The following TTLL3 variants were observed in gnomAD, a reference collection of about 807,000 sequenced individuals.
TTLL3 encodes the protein tubulin tyrosine ligase like 3.
Under a neutral mutation model 75.2 loss-of-function variants are expected in TTLL3, and 63 were observed. The observed-to-expected ratio is 0.84, with a 90% confidence interval of 0.68 to 1.03. TTLL3 has a LOEUF of 1.03. TTLL3 is among the 50% of genes least tolerant of loss of function. The pLI is 0.00. For missense variants in TTLL3, 997 were observed against 1,069.9 expected, an observed-to-expected ratio of 0.93 and a Z score of 0.95; for synonymous variants, 393 against 418.5, an observed-to-expected ratio of 0.94 and a Z score of 0.74.
chr3:9,813,988 A>C (rs1277362101), intron 4 of TTLL3, among the ~76,000 whole-genome samples: 1 of 152,056 alleles, frequency 6.6e-6, no homozygotes, highest in Non-Finnish European at 1.5e-5. Context: ...TGAAGGCAGG[A>C]AGGAAGGTCT....
intron 7 of TTLL3, chr3:9,819,156 C>A: frequency 1.8e-6 from 1 of 548,814 alleles, no homozygotes; most frequent in Non-Finnish European, 3.2e-6. Context: ...CCCTTCCACT[C>A]ATCCTTCCAT....
chr3:9,819,099 C>T, intron 7 of TTLL3, 179 bp downstream of exon 7: 1 of 784,522 alleles, frequency 1.3e-6, no homozygotes, highest in South Asian at 1.7e-5. Context: ...ATCCACTCAT[C>T]CACCCACGTA....
intron 11 of TTLL3, among the ~76,000 whole-genome samples, chr3:9,831,425 G>A (rs990068449): frequency 2.0e-5 from 3 of 152,126 alleles, no homozygotes; most frequent in South Asian, 2.1e-4. Context: ...AGGTGATGCC[G>A]CGTACCTCAT....
chr3:9,833,738 G>T (rs2081804959), intron 12 of TTLL3, among the ~76,000 whole-genome samples: 1 of 152,130 alleles, frequency 6.6e-6, no homozygotes, highest in South Asian at 2.1e-4. Flanking sequence ...CAGGCTACTC[G>T]CGAGGCTAAT....
At chr3:9,811,829 G>A (rs576595072) in intron 2 of TTLL3, among the ~76,000 whole-genome samples, 3 of 152,180 alleles carry the variant, frequency 2.0e-5, no homozygotes, top group Non-Finnish European at 4.4e-5. Flanking sequence ...CTTTGCACAT[G>A]CATTCCCCTC....
rs1445209012 is a variant in TTLL3 at position 9,826,984 on chromosome 3, T to A, written c.1004-13T>A. The A allele has an allele frequency of 2.5e-6, 4 of 1,613,886 alleles. No homozygotes were observed. The Admixed American group carries it at 5.0e-5, about 20-fold the overall frequency. On this transcript the variant is annotated splice_polypyrimidine_tract_variant and intron_variant, in intron 9 of 13. Coordinates refer to ENST00000685419, the MANE Select transcript of TTLL3 (RefSeq NM_001387446.1). ...CTGACCTTCCAATCCCTGACTGCCC[T>A]CTTCCCCCGTAGGCATCATGTGCAT...
At chr3:9,815,082 A>T (rs997910104) in intron 4 of TTLL3, among the ~76,000 whole-genome samples, 1 of 151,934 alleles carries the variant, frequency 6.6e-6, no homozygotes. Flanking sequence ...TACTAAAAAT[A>T]CAAAAAAATT....
Position 9,835,126 on chromosome 3 carries a change from G to T in TTLL3, c.2085G>T (p.Gln695His). ...CTCTCCTGTGCCTCCGAGGCCCCCA[G>T]CTGGAAGTGCCTTGTTGCCTCTGCC... Reference protein sequence around the residue: ...APALLCLRGPQLEVPCCLCPL... With the variant: ...APALLCLRGPHLEVPCCLCPL... Residue 695 changes from glutamine (Q) to histidine (H), a missense_variant, in exon 14 of 14, where the codon CAG becomes CAT. Physicochemically the swap from Gln to His is conservative, Grantham distance 24. Transcript: ENST00000685419. 1 of 1,613,096 alleles carries T rather than the reference G, an allele frequency of 6.2e-7. No individual in the cohort carries two copies. The highest frequency in any genetic ancestry group is 8.5e-7 in the Non-Finnish European group (1 of 1,179,318).
chr3:9,811,512 A>G (rs558188118), intron 2 of TTLL3, among the ~76,000 whole-genome samples: 24 of 152,250 alleles, frequency 1.6e-4, no homozygotes, highest in African/African-American at 5.5e-4. Context: ...TGTTGTAACC[A>G]CCTTCATTTT....
chr3:9,814,475 G>C (rs567904106), intron 4 of TTLL3, among the ~76,000 whole-genome samples: 9 of 152,140 alleles, frequency 5.9e-5, no homozygotes, highest in African/African-American at 2.2e-4. Context: ...GTGAAACCCT[G>C]TCTCTACTAA....
At position 9,829,360 on chromosome 3, in the gene TTLL3, T is replaced by A. The variant is rs1487916947; in HGVS notation, c.1648T>A (p.Cys550Ser). 2.5e-6 allele frequency: 4 copies of A among 1,607,774 alleles called. No individual in the cohort carries two copies. The highest frequency in any genetic ancestry group is 3.4e-6 in the Non-Finnish European group (4 of 1,176,100). ...VVIDRMLDRN[C>S]DTGAFELIYK... ...CATTGACCGGATGCTGGACCGCAAC[T>A]GTGACACAGGAGCCTTTGAGCTCAT... The change falls in exon 11 of 14, where the codon TGT (cysteine) becomes AGT (serine). Residue 550 changes from cysteine (C) to serine (S), a missense_variant. Coordinates refer to ENST00000685419, the MANE Select transcript of TTLL3 (RefSeq NM_001387446.1).
intron 8 of TTLL3, 190 bp from the exon 9 acceptor site, chr3:9,825,610 C>G (rs1212347232): frequency 2.1e-6 from 2 of 935,926 alleles, no homozygotes; most frequent in Non-Finnish European, 3.3e-6. Flanking sequence ...GTAGTCTGGG[C>G]AGGTTAGGAT....
chr3:9,810,469 G>T lies in TTLL3; in HGVS notation c.-42+75G>T, dbSNP rs920193189. On this transcript the variant is annotated intron_variant, in intron 1 of 13. Coordinates refer to ENST00000685419, the MANE Select transcript of TTLL3 (RefSeq NM_001387446.1). The surrounding 1 kb of genome is among the most constrained non-coding windows in gnomAD (Gnocchi z 4.4). Reference sequence around the variant, plus strand: ...GACAAGACGCTGGGGTGGAGGGACTGGGGGTCGGGAGAAGAGCGGCTGAGG... The same window carrying T: ...GACAAGACGCTGGGGTGGAGGGACTTGGGGTCGGGAGAAGAGCGGCTGAGG... 2.1e-6 allele frequency: 3 copies of T among 1,442,152 alleles called. No homozygotes were observed. In the East Asian group the frequency reaches 7.7e-5, roughly 37 times the overall value. The allele number at this position is 1,442,152 out of a possible 1,614,324, so 89.3% of individuals were successfully genotyped here. A position where few individuals can be genotyped will look rare whatever the true frequency, so the allele number is the denominator to read the frequency against.
At position 9,818,889 on chromosome 3, in the gene TTLL3, C is replaced by T; in HGVS notation, c.627C>T (p.Tyr209=). The T allele has an allele frequency of 1.2e-6, 2 of 1,614,146 alleles. No individual in the cohort carries two copies. Among genetic ancestry groups the T allele is most frequent in the South Asian group, 1.1e-5 (1 of 91,082 alleles). ...TGGTGAAGTCTGAGTGGAAGTCATA[C>T]CCTATTCAGGCAGTAGAGGAAGAGG... The part of the protein sequence containing the change: ...KLVVKSEWKS[Y]PIQAVEEEAS... The change falls in exon 7 of 14, where the codon TAC becomes TAT. Residue 209 remains tyrosine, a synonymous_variant. Coordinates refer to ENST00000685419, the MANE Select transcript of TTLL3 (RefSeq NM_001387446.1).
chr3:9,810,089 A>G (rs1259934970), upstream of TTLL3: 3 of 1,404,420 alleles, frequency 2.1e-6, no homozygotes, highest in East Asian at 6.2e-5. This position sits in a 1 kb window ranked among gnomAD's most constrained non-coding sequence, Gnocchi z 4.4. Flanking sequence ...TGGTACCGCC[A>G]GGAGGGCGGC....
chr3:9,822,944 C>G (rs2080619298), intron 8 of TTLL3, among the ~76,000 whole-genome samples: 1 of 149,580 alleles, frequency 6.7e-6, no homozygotes, highest in Non-Finnish European at 1.5e-5. Flanking sequence ...TGCTTCTCAA[C>G]TTTTTAAAAA....
rs753570035 is a variant in TTLL3, at chr3:9,827,126, T to G, written c.1133T>G (p.Phe378Cys). The G allele has an allele frequency of 6.2e-7, 1 of 1,614,236 alleles. No individual in the cohort carries two copies. Among genetic ancestry groups the G allele is most frequent in the Non-Finnish European group, 8.5e-7 (1 of 1,180,040 alleles). ...CCCCTCCTCATCTTTGGCACCAAGT[T>G]TGACCTCAGACAGTGGTTCCTGGTA... ...ERPLLIFGTK[F>C]DLRQWFLVTD... Residue 378 changes from phenylalanine to cysteine, a missense_variant, in exon 10 of 14, where the codon TTT becomes TGT. Phe to Cys is a radical substitution (Grantham distance 205). Transcript: ENST00000685419.
intron 4 of TTLL3, among the ~76,000 whole-genome samples, chr3:9,813,967 C>T (rs1456251494): frequency 1.3e-5 from 2 of 151,962 alleles, no homozygotes; most frequent in African/African-American, 4.8e-5. Context: ...TTCCCCGCTG[C>T]CCTTGGTAAG....
rs1413048397 is a variant in TTLL3, at chr3:9,835,469, G to A, written c.2428G>A (p.Gly810Arg). Residue 810 changes from glycine to arginine, a missense_variant, in exon 14 of 14, where the codon GGG (glycine) becomes AGG (arginine). Transcript: ENST00000685419. ...RVDGARPCTP[G>R]STARA ...GGATGGGGCGAGGCCGTGTACCCCA[G>A]GGTCCACAGCAAGAGCCTGAGGCCA... 1 of 1,603,332 alleles carries A rather than the reference G, an allele frequency of 6.2e-7. No individual in the cohort carries two copies. Among genetic ancestry groups the A allele is most frequent in the Non-Finnish European group, 8.5e-7 (1 of 1,175,790 alleles).
Sources: allele counts gnomAD v4.1 joint callset (sites outside exome capture counted in the v4.1 genomes callset), GRCh38; gene constraint gnomAD v4.1.1; non-coding constraint Gnocchi (gnomAD v3.1); transcripts MANE v1.5; gene names NCBI Gene and HGNC (gene_info 2026-07-23, HGNC 2026-07-21).